Variants in SHROOM3 observed in about 807,000 individuals in gnomAD.
The protein encoded by SHROOM3 is protein Shroom3.
In SHROOM3, 47 loss-of-function variants were observed where a neutral mutation model predicts 138.6. The observed-to-expected ratio is 0.34, with a 90% confidence interval of 0.27 to 0.43. The LOEUF is 0.43. SHROOM3 is among the 20% of genes least tolerant of loss of function. SHROOM3 has a pLI of 1.00. For synonymous variants in SHROOM3, 1,062 were observed against 1,063.3 expected, an observed-to-expected ratio of 1.00 and a Z score of 0.02; for missense variants, 2,491 against 2,596.5, an observed-to-expected ratio of 0.96 and a Z score of 0.88.
intron 2 of SHROOM3, among the ~76,000 whole-genome samples, chr4:76,610,534 C>T (rs1734739230): frequency 6.6e-6 from 1 of 152,030 alleles, no homozygotes; most frequent in South Asian, 2.1e-4. Flanking sequence ...ATAACTGCAT[C>T]CCCTCGTCTT....
At chr4:76,761,341 AGAATT>A (rs2110148839) in intron 9 of SHROOM3, among the ~76,000 whole-genome samples, 1 of 152,352 alleles carries the variant, frequency 6.6e-6, no homozygotes, top group South Asian at 2.1e-4. Context: ...GAAGAAATAG[AGAATT>A]CATCCATCCT....
rs1020323668 is a variant in SHROOM3 at position 76,485,029 on chromosome 4, A to G, written c.168+48809A>G. On this transcript the variant is annotated intron_variant, in intron 1 of 10. Transcript: ENST00000296043. ...ATACATTCACAGTAGATGTCAGATAATAGAAGAACTCACTCTTCTCATATC... is the reference window on the plus strand; with the variant it reads ...ATACATTCACAGTAGATGTCAGATAGTAGAAGAACTCACTCTTCTCATATC... Among the ~76,000 whole-genome samples the G allele has an allele frequency of 2.6e-5, 4 of 152,212 alleles. No individual in the cohort carries two copies. In the South Asian group the frequency reaches 8.3e-4, roughly 32 times the overall value.
intron 1 of SHROOM3, among the ~76,000 whole-genome samples, chr4:76,486,489 C>T (rs1238026138): frequency 6.6e-6 from 1 of 152,090 alleles, no homozygotes; most frequent in Non-Finnish European, 1.5e-5. Flanking sequence ...GCCTGGCTGA[C>T]CAACTGATAT....
intron 2 of SHROOM3, among the ~76,000 whole-genome samples, chr4:76,647,191 C>T (rs1735841514): frequency 6.6e-6 from 1 of 152,120 alleles, no homozygotes; most frequent in Non-Finnish European, 1.5e-5. Flanking sequence ...TGTTTTCACT[C>T]ATATGTGGGG....
At position 76,550,217 on chromosome 4, in the gene SHROOM3, G is replaced by A. The variant is rs141959474; in HGVS notation, c.169-5392G>A. On this transcript the variant is annotated intron_variant, in intron 1 of 10. Transcript: ENST00000296043. Reference sequence around the variant, plus strand: ...AAACTCTGGGAAAGGAGAGAACACCGTGTTTCCTTTGTTGATATTTTCCCA... The same window carrying A: ...AAACTCTGGGAAAGGAGAGAACACCATGTTTCCTTTGTTGATATTTTCCCA... Among the ~76,000 whole-genome samples, 489 of 152,226 alleles carry A rather than the reference G, an allele frequency of 3.2e-3. 2 individuals are homozygous for A. The highest frequency in any genetic ancestry group is 0.011 in the East Asian group (59 of 5,184).
chr4:76,732,807 A>G (rs1183692525), intron 4 of SHROOM3, among the ~76,000 whole-genome samples: 11 of 152,208 alleles, frequency 7.2e-5, no homozygotes, highest in Admixed American at 6.5e-4. Flanking sequence ...GCTTGAGCAA[A>G]TCATTTAACC....
chr4:76,689,682 G>A, intron 2 of SHROOM3: 1 of 985,506 alleles, frequency 1.0e-6, no homozygotes, highest in Non-Finnish European at 1.2e-6. Context: ...GGGGGCGGCG[G>A]CCGCGAGGCG....
chr4:76,762,541 G>T (rs552096809), intron 9 of SHROOM3, among the ~76,000 whole-genome samples: 1 of 152,310 alleles, frequency 6.6e-6, no homozygotes, highest in African/African-American at 2.4e-5. Flanking sequence ...ATGAGAAAAG[G>T]CCATTTAGTT....
chr4:76,727,463 G>A (rs894099366), intron 3 of SHROOM3, among the ~76,000 whole-genome samples: 3 of 152,196 alleles, frequency 2.0e-5, no homozygotes, highest in African/African-American at 7.2e-5. Context: ...TCAAGGAACC[G>A]GTTGAAGATG....
intron 2 of SHROOM3, among the ~76,000 whole-genome samples, chr4:76,575,396 A>G (rs1234003660): frequency 6.6e-6 from 1 of 152,210 alleles, no homozygotes; most frequent in African/African-American, 2.4e-5. Context: ...CAAACTGAAA[A>G]GGAAGAAAGC....
At chr4:76,747,854 T>G (rs1046115244) in intron 5 of SHROOM3, among the ~76,000 whole-genome samples, 4 of 152,316 alleles carry the variant, frequency 2.6e-5, no homozygotes, top group Non-Finnish European at 5.9e-5. Context: ...CTATAAAGAT[T>G]CCATGGCAAG....
chr4:76,675,153 T>TAGACCAGAGATA (rs1718996497), intron 2 of SHROOM3, among the ~76,000 whole-genome samples: 1 of 152,138 alleles, frequency 6.6e-6, no homozygotes, highest in Non-Finnish European at 1.5e-5. Context: ...AATATGAACA[T>TAGACCAGAGATA]AGACCAGAGA....
intron 1 of SHROOM3, among the ~76,000 whole-genome samples, chr4:76,541,419 A>T (rs930903129): frequency 3.3e-5 from 5 of 152,218 alleles, no homozygotes; most frequent in African/African-American, 1.2e-4. Context: ...ATCTGAATGC[A>T]GCAGAAAAAG....
At chr4:76,693,551 T>C (rs1719633898) in intron 2 of SHROOM3, among the ~76,000 whole-genome samples, 2 of 151,554 alleles carry the variant, frequency 1.3e-5, no homozygotes. Context: ...ACCCAGCTAA[T>C]TATTTTTGTA....
intron 1 of SHROOM3, among the ~76,000 whole-genome samples, chr4:76,510,667 T>C (rs1336419705): frequency 2.0e-5 from 3 of 152,166 alleles, no homozygotes; most frequent in Non-Finnish European, 4.4e-5. Flanking sequence ...GAGACACCTA[T>C]GGATTTGGAC....
chr4:76,642,454 C>T (rs901088518), intron 2 of SHROOM3, among the ~76,000 whole-genome samples: 30 of 152,216 alleles, frequency 2.0e-4, no homozygotes, highest in African/African-American at 6.0e-4. Context: ...TGCAGTATGA[C>T]GCCACTGGGA....
At chr4:76,567,217 G>GT (rs1168412590) in intron 2 of SHROOM3, among the ~76,000 whole-genome samples, 2 of 152,182 alleles carry the variant, frequency 1.3e-5, no homozygotes, top group South Asian at 4.1e-4. Flanking sequence ...CATGAAGACT[G>GT]TGATTCTAAG....
At chr4:76,627,726 T>C (rs1389022276) in intron 2 of SHROOM3, among the ~76,000 whole-genome samples, 1 of 151,924 alleles carries the variant, frequency 6.6e-6, no homozygotes, top group Non-Finnish European at 1.5e-5. Flanking sequence ...TAGTGGCTAT[T>C]CATAGGCATG....
chr4:76,660,601 G>T (rs1450101283), intron 2 of SHROOM3, among the ~76,000 whole-genome samples: 2 of 151,918 alleles, frequency 1.3e-5, no homozygotes, highest in African/African-American at 4.8e-5. Flanking sequence ...TCAGCCTCCT[G>T]AGTAGCTGGG....
Sources: allele counts gnomAD v4.1 joint callset (sites outside exome capture counted in the v4.1 genomes callset), GRCh38; gene constraint gnomAD v4.1.1; transcripts MANE v1.5; gene names NCBI Gene and HGNC (gene_info 2026-07-23, HGNC 2026-07-21).